The following CDCA7L variants were observed in gnomAD, a reference collection of about 807,000 sequenced individuals.
The protein encoded by CDCA7L is cell division cycle associated 7 like, also known as cell division cycle-associated 7-like protein.
A neutral mutation model predicts 57.4 loss-of-function variants in CDCA7L; 44 were observed. The observed-to-expected ratio is 0.77, with a 90% confidence interval of 0.60 to 0.98. CDCA7L has a LOEUF of 0.98. CDCA7L is among the 50% of genes least tolerant of loss of function. The probability of loss-of-function intolerance (pLI) is 0.00; values close to 1 mark genes in which losing one functional copy is unlikely to be tolerated. For synonymous variants in CDCA7L, 236 were observed against 202.8 expected, an observed-to-expected ratio of 1.16 and a Z score of -1.39; for missense variants, 644 against 580.6, an observed-to-expected ratio of 1.11 and a Z score of -1.12.
intron 2 of CDCA7L, among the ~76,000 whole-genome samples, chr7:21,913,343 A>T (rs1277139048): frequency 6.6e-6 from 1 of 152,152 alleles, no homozygotes; most frequent in Non-Finnish European, 1.5e-5. Context: ...TGAGAAAAAA[A>T]ATTGCACACA....
In CDCA7L at chr7:21,903,935, TC is replaced by T. The variant is rs778880031; in HGVS notation, c.1197+174del. Reference sequence around the variant, plus strand: ...CTTCTATTCACTGGTCAGCTTGCTCTCCTTCCAGAAGGAATCCCTATTTTTC... The same window carrying T: ...CTTCTATTCACTGGTCAGCTTGCTCTCTTCCAGAAGGAATCCCTATTTTTC... On this transcript the variant is annotated intron_variant, in intron 8 of 9. Coordinates refer to ENST00000406877, the MANE Select transcript of CDCA7L (RefSeq NM_018719.5). The T allele has an allele frequency of 9.8e-5, 52 of 533,290 alleles. 1 individual carries two copies. The highest frequency in any genetic ancestry group is 1.5e-4 in the Non-Finnish European group (50 of 327,628). 33.0% of individuals were successfully genotyped at this position (533,290 alleles called of 1,614,324 possible). A position where few individuals can be genotyped will look rare whatever the true frequency, so the allele number is the denominator to read the frequency against.
intron 1 of CDCA7L, among the ~76,000 whole-genome samples, chr7:21,945,142 A>C (rs1292327520): frequency 6.6e-6 from 1 of 152,082 alleles, no homozygotes; most frequent in Non-Finnish European, 1.5e-5. Context: ...TTTGCTAATG[A>C]GTTTTAAAGA....
intron 1 of CDCA7L, among the ~76,000 whole-genome samples, chr7:21,930,383 C>T (rs928693211): frequency 6.6e-6 from 1 of 152,106 alleles, no homozygotes; most frequent in African/African-American, 2.4e-5. Context: ...AAAATTGACA[C>T]CCTAGCATCA....
At chr7:21,904,403 A>G (rs1397946694) in intron 7 of CDCA7L, 144 bp from the exon 8 acceptor site, 8 of 882,728 alleles carry the variant, frequency 9.1e-6, no homozygotes, top group Non-Finnish European at 1.3e-5. Flanking sequence ...TAAGAACCAC[A>G]GCATTGTCTC....
chr7:21,941,947 C>T (rs376697423), intron 1 of CDCA7L, among the ~76,000 whole-genome samples: 5 of 152,272 alleles, frequency 3.3e-5, no homozygotes, highest in East Asian at 3.9e-4. Flanking sequence ...CCCCCAGGTC[C>T]CCATAGCACA....
intron 1 of CDCA7L, among the ~76,000 whole-genome samples, chr7:21,921,941 G>T (rs972111328): frequency 6.6e-6 from 1 of 151,992 alleles, no homozygotes; most frequent in African/African-American, 2.4e-5. Flanking sequence ...TCATATGGGG[G>T]ACCAGGATTC....
chr7:21,906,720 C>A, intron 4 of CDCA7L, 81 bp from the exon 5 acceptor site: 3 of 1,350,054 alleles, frequency 2.2e-6, no homozygotes, highest in Non-Finnish European at 3.2e-6. Context: ...TCAAGTCTTC[C>A]ATTTTGCCAC....
At chr7:21,922,029 C>T (rs57082026) in intron 1 of CDCA7L, among the ~76,000 whole-genome samples, 32,850 of 152,104 alleles carry the variant, frequency 0.22, 4,216 homozygotes, top group East Asian at 0.54. Flanking sequence ...AGATGATCAA[C>T]AAACCCTTGC....
At chr7:21,937,852 A>G (rs999666873) in intron 1 of CDCA7L, among the ~76,000 whole-genome samples, 3 of 152,220 alleles carry the variant, frequency 2.0e-5, no homozygotes, top group Admixed American at 6.5e-5. Context: ...GGCAAAGAAC[A>G]GTATTTTCAA....
At position 21,901,248 on chromosome 7, in the gene CDCA7L, A is replaced by G. The variant is rs1378301702; in HGVS notation, c.*1074T>C. On this transcript the variant is annotated 3_prime_UTR_variant, in exon 10 of 10. Transcript: ENST00000406877. ...TGGCTGGAGTGGCTCTGCTTCTAGA[A>G]GCGTAAGGTAACACTGGCATTCCTC... 3 of 1,603,104 alleles carry G rather than the reference A, an allele frequency of 1.9e-6. No individual in the cohort carries two copies. Among genetic ancestry groups the G allele is most frequent in the Admixed American group, 3.4e-5 (2 of 59,452 alleles).
chr7:21,903,318 T>TTTTAGGGCTCCTTGCTTAA (rs1785005061), intron 8 of CDCA7L, among the ~76,000 whole-genome samples: 2 of 152,124 alleles, frequency 1.3e-5, no homozygotes, highest in Non-Finnish European at 2.9e-5. Context: ...AAATGACACC[T>TTTTAGGGCTCCTTGCTTAA]TTTAGGGCTC....
Position 21,904,212 on chromosome 7 carries a change from T to G in CDCA7L, c.1095A>C (p.Thr365=). The G allele has an allele frequency of 6.2e-7, 1 of 1,613,394 alleles. No individual in the cohort carries two copies. Among genetic ancestry groups the G allele is most frequent in the Non-Finnish European group, 8.5e-7 (1 of 1,179,678 alleles). The change falls in exon 8 of 10, where the codon ACA becomes ACC. Residue 365 remains threonine, a synonymous_variant. Coordinates refer to ENST00000406877, the MANE Select transcript of CDCA7L (RefSeq NM_018719.5). ...CACAGCAACCCTGGTTCCGACACAC[T>G]GTCTTGGTGTCGATGGTCTTTTGTC... The part of the protein sequence containing the change: ...QCRQKTIDTK[T]VCRNQGCCGV...
chr7:21,938,167 G>T (rs1028706695), intron 1 of CDCA7L, among the ~76,000 whole-genome samples: 1 of 152,038 alleles, frequency 6.6e-6, no homozygotes, highest in African/African-American at 2.4e-5. Context: ...TCTAATAAGG[G>T]ATTAATATCC....
intron 8 of CDCA7L, among the ~76,000 whole-genome samples, 169 bp from the exon 9 acceptor site, chr7:21,903,283 C>G (rs1785002670): frequency 6.6e-6 from 1 of 152,134 alleles, no homozygotes; most frequent in Non-Finnish European, 1.5e-5. Flanking sequence ...GGCTGAATCA[C>G]CCCACGTCAC....
At chr7:21,904,066 C>T (rs1280803249) in intron 8 of CDCA7L, 44 bp downstream of exon 8, 1 of 1,509,884 alleles carries the variant, frequency 6.6e-7, no homozygotes, top group Non-Finnish European at 8.9e-7. Flanking sequence ...TAGCTTGCTT[C>T]CTTCACCAAT....
intron 1 of CDCA7L, among the ~76,000 whole-genome samples, chr7:21,923,289 G>A (rs1226878470): frequency 6.6e-6 from 1 of 152,128 alleles, no homozygotes; most frequent in East Asian, 1.9e-4. Context: ...AGGGGTTTGA[G>A]ACCAGCCTAG....
chr7:21,903,225 A>C, intron 8 of CDCA7L, 111 bp from the exon 9 acceptor site: 2 of 1,010,210 alleles, frequency 2.0e-6, no homozygotes, highest in Non-Finnish European at 2.9e-6. Context: ...CTTTAATCAC[A>C]TGGCATCTTT....
rs1786061166 is a variant in CDCA7L, at chr7:21,932,968, GAAC to G, written c.24+12810_24+12812del. ...AACAAATTTATAAGAAAAAAAAAAA[GAAC>G]AACTTCATCAAAAAGTGGGCGAAAG... On this transcript the variant is annotated intron_variant, in intron 1 of 9. Transcript: ENST00000406877. Among the ~76,000 whole-genome samples, 3 of 148,996 alleles carry G rather than the reference GAAC, an allele frequency of 2.0e-5. No individual in the cohort carries two copies. The South Asian group carries it at 6.4e-4, about 32-fold the overall frequency.
Position 21,901,810 on chromosome 7 carries a change from TTAATAA to T in CDCA7L, c.*506_*511del. 1.8e-5 allele frequency: 3 copies of T among 164,246 alleles called. No individual in the cohort carries two copies. Among genetic ancestry groups the T allele is most frequent in the Non-Finnish European group, 4.0e-5 (3 of 74,736 alleles). 10.2% of individuals were successfully genotyped at this position (164,246 alleles called of 1,614,324 possible). On this transcript the variant is annotated 3_prime_UTR_variant, in exon 10 of 10. Transcript: ENST00000406877. Reference sequence around the variant, plus strand: ...TGGTCCCCTTTTGTTCAGTCAAGTTTTAATAAAAATAAAACTGTTCTACAGTTAATT... The same window carrying T: ...TGGTCCCCTTTTGTTCAGTCAAGTTTAAATAAAACTGTTCTACAGTTAATT...
Sources: allele counts gnomAD v4.1 joint callset (sites outside exome capture counted in the v4.1 genomes callset), GRCh38; gene constraint gnomAD v4.1.1; transcripts MANE v1.5; gene names NCBI Gene and HGNC (gene_info 2026-07-23, HGNC 2026-07-21).